The following MEPCE variants were observed in gnomAD, a reference collection of about 807,000 sequenced individuals.
The protein encoded by MEPCE is 7SK snRNA methylphosphate capping enzyme.
MEPCE carries 9 observed loss-of-function variants against 52.3 expected under a neutral mutation model. The ratio of observed to expected loss-of-function variants is 0.17; its 90% confidence interval spans 0.10 to 0.30. The LOEUF (loss-of-function observed/expected upper bound fraction) is 0.30. Among genes scored for constraint, MEPCE ranks in the 10% least tolerant of loss-of-function variants. The pLI, the probability that MEPCE is intolerant of heterozygous loss-of-function variation, is 1.00. For missense variants in MEPCE, 826 were observed against 933.0 expected (o/e 0.89, Z 1.49); for synonymous variants, 477 against 401.6 (o/e 1.19, Z -2.25).
At position 100,430,201 on chromosome 7, in the gene MEPCE, A is replaced by C; in HGVS notation, c.183A>C (p.Pro61=). The C allele has an allele frequency of 7.6e-7, 1 of 1,310,596 alleles. No homozygotes were observed. The highest frequency in any genetic ancestry group is 2.3e-5 in the South Asian group (1 of 43,782). The allele number at this position is 1,310,596 out of a possible 1,614,324, so 81.2% of individuals were successfully genotyped here. A position where few individuals can be genotyped will look rare whatever the true frequency, so the allele number is the denominator to read the frequency against. The change falls in exon 1 of 4, where the codon CCA becomes CCC. Residue 61 remains proline (P), a synonymous_variant. Transcript: ENST00000310512. The part of the protein sequence containing the change: ...PGRCAPSAGS[P]AAAVGRESPG... The stretch of plus-strand genomic sequence containing the variant: ...GTTGCGCGCCATCTGCGGGGTCCCC[A>C]GCCGCTGCGGTCGGTCGGGAAAGCC...
chr7:100,431,065 C>A lies in MEPCE; in HGVS notation c.1047C>A (p.Ala349=). 6.2e-7 allele frequency: 1 copy of A among 1,613,852 alleles called. No homozygotes were observed. The highest frequency in any genetic ancestry group is 1.3e-5 in the African/African-American group (1 of 75,060). Residue 349 remains alanine (A), a synonymous_variant, in exon 1 of 4, where the codon GCC becomes GCA. Coordinates refer to ENST00000310512, the MANE Select transcript of MEPCE (RefSeq NM_019606.6). ...PSGSLSAPPA[A]SVISAPPSSS... is the part of the protein sequence containing the mutation. Reference sequence around the variant, plus strand: ...GCTCCCTATCAGCCCCTCCAGCTGCCTCAGTTATCTCTGCACCCCCATCTT... The same window carrying A: ...GCTCCCTATCAGCCCCTCCAGCTGCATCAGTTATCTCTGCACCCCCATCTT...
In MEPCE at chr7:100,433,866, C is replaced by T. The variant is rs1798796247; in HGVS notation, c.*312C>T. ...GGGAGGTGGGAGGATATCAAATTCT[C>T]TAGCCCTTTCCTCCTATTCTCCCAA... On this transcript the variant is annotated 3_prime_UTR_variant, in exon 4 of 4. Transcript: ENST00000310512. 1 of 422,670 alleles carries T rather than the reference C, an allele frequency of 2.4e-6. No homozygotes were observed. Among genetic ancestry groups the T allele is most frequent in the Non-Finnish European group, 4.3e-6 (1 of 235,172 alleles). The allele number at this position is 422,670 out of a possible 1,614,324, so 26.2% of individuals were successfully genotyped here.
intron 1 of MEPCE, 89 bp from the exon 2 acceptor site, chr7:100,432,830 C>A: frequency 8.5e-7 from 1 of 1,180,714 alleles, no homozygotes; most frequent in Non-Finnish European, 1.3e-6. Flanking sequence ...AGTGAGGCCG[C>A]GGGACTGTAT....
chr7:100,430,296 A>G lies in MEPCE; in HGVS notation c.278A>G (p.Gln93Arg). ...CACCGAGGGGGCGGCCCCCAGGCGC[A>G]GTCGCATGGGGAGGCCCGCCTGTCG... The part of the protein sequence containing the change: ...QQHRGGGPQA[Q>R]SHGEARLSDP... Residue 93 changes from glutamine to arginine, a missense_variant, in exon 1 of 4, where the codon CAG (glutamine) becomes CGG (arginine). Transcript: ENST00000310512. The G allele has an allele frequency of 7.1e-7, 1 of 1,407,792 alleles. No homozygotes were observed. Among genetic ancestry groups the G allele is most frequent in the South Asian group, 1.6e-5 (1 of 63,090 alleles). The allele number at this position is 1,407,792 out of a possible 1,614,324, so 87.2% of individuals were successfully genotyped here.
rs1697710518 is a variant in MEPCE, at chr7:100,431,217, C to G, written c.1199C>G (p.Pro400Arg). 2 of 1,613,856 alleles carry G rather than the reference C, an allele frequency of 1.2e-6. No homozygotes were observed. The highest frequency in any genetic ancestry group is 1.7e-6 in the Non-Finnish European group (2 of 1,180,012). ...GGAGGCCGCCACCACCACCACCACC[C>G]ACTGCCTGCAGCAGGCTTCAAAAAG... ...SWGGRHHHHH[P>R]LPAAGFKKQQ... Residue 400 changes from proline (P) to arginine (R), a missense_variant, in exon 1 of 4, where the codon CCA (proline) becomes CGA (arginine). Pro to Arg is a moderately radical substitution (Grantham distance 103, BLOSUM62 -2). Coordinates refer to ENST00000310512, the MANE Select transcript of MEPCE (RefSeq NM_019606.6).
chr7:100,433,473 C>T, intron 3 of MEPCE, 29 bp from the exon 4 acceptor site: 2 of 1,614,054 alleles, frequency 1.2e-6, no homozygotes, highest in Non-Finnish European at 1.7e-6. Flanking sequence ...GTGCTGCCAA[C>T]CCCTTCTGAT....
Position 100,431,359 on chromosome 7 carries a change from C to T in MEPCE, c.1341C>T (p.Val447=), listed in dbSNP as rs1798695669. Residue 447 remains valine, a synonymous_variant, in exon 1 of 4, where the codon GTC becomes GTT. Coordinates refer to ENST00000310512, the MANE Select transcript of MEPCE (RefSeq NM_019606.6). The part of the protein sequence containing the change: ...LKPEWFRGRD[V]LDLGCNVGHL... The stretch of plus-strand genomic sequence containing the variant: ...CTGAGTGGTTTCGGGGCCGGGACGT[C>T]CTAGATCTGGGCTGCAATGTGGGCC... 2 of 1,614,164 alleles carry T rather than the reference C, an allele frequency of 1.2e-6. No homozygotes were observed. Among genetic ancestry groups the T allele is most frequent in the African/African-American group, 1.3e-5 (1 of 75,052 alleles).
Position 100,430,142 on chromosome 7 carries a change from G to C in MEPCE, c.124G>C (p.Glu42Gln). ...ACCGCACCAAGAGGCCGCCTCTGGG[G>C]AGCTCCGCGGCGGGACGGAGCGTGG... ...VPPHQEAASGELRGGTERGPG... is the reference protein window; with the variant it reads ...VPPHQEAASGQLRGGTERGPG... Residue 42 changes from glutamate (E) to glutamine (Q), a missense_variant, in exon 1 of 4, where the codon GAG (glutamate) becomes CAG (glutamine). Transcript: ENST00000310512. The C allele has an allele frequency of 7.7e-7, 1 of 1,291,084 alleles. No homozygotes were observed. 80.0% of individuals were successfully genotyped at this position (1,291,084 alleles called of 1,614,324 possible).
intron 1 of MEPCE, among the ~76,000 whole-genome samples, chr7:100,432,521 A>G (rs916625346): frequency 2.0e-5 from 3 of 152,226 alleles, no homozygotes; most frequent in African/African-American, 7.2e-5. Context: ...CCCCAACTGC[A>G]GGGAAGGAAC....
chr7:100,429,963 G>A lies in MEPCE; in HGVS notation c.-56G>A, dbSNP rs1031006419. The A allele has an allele frequency of 2.5e-6, 3 of 1,191,578 alleles. No homozygotes were observed. The highest frequency in any genetic ancestry group is 3.2e-6 in the Non-Finnish European group (3 of 947,444). The allele number at this position is 1,191,578 out of a possible 1,614,324, so 73.8% of individuals were successfully genotyped here. A position where few individuals can be genotyped will look rare whatever the true frequency, so the allele number is the denominator to read the frequency against. On this transcript the variant is annotated 5_prime_UTR_variant, in exon 1 of 4. Coordinates refer to ENST00000310512, the MANE Select transcript of MEPCE (RefSeq NM_019606.6). ...AAGGGAGCAGGGTCCAGGCAGGGGG[G>A]GTTAGGCCCCCTGATCCCCCTCGTT... is the stretch of plus-strand genomic sequence containing the variant.
chr7:100,429,447 A>C (rs141504759), upstream of MEPCE: 2 of 152,276 alleles, frequency 1.3e-5, no homozygotes, highest in African/African-American at 4.8e-5. Flanking sequence ...GCTGAGACTC[A>C]TTCCTCAGGA....
chr7:100,429,716 C>G (rs74460138), upstream of MEPCE: 53,082 of 308,550 alleles, frequency 0.17, 5,062 homozygotes, highest in Middle Eastern at 0.2. Context: ...GCGTGGTTCC[C>G]GGGCGAAGGG....
rs763723326 is a variant in MEPCE, at chr7:100,430,322, G to T, written c.304G>T (p.Asp102Tyr). The change falls in exon 1 of 4, where the codon GAT (aspartate) becomes TAT (tyrosine). Residue 102 changes from aspartate (D) to tyrosine (Y), a missense_variant. This residue lies in a region of MEPCE where 314 missense variants were observed against 277.7 expected (regional missense o/e 1.13). Transcript: ENST00000310512. ...AQSHGEARLS[D>Y]PPGRAAPPDV... ...GTCGCATGGGGAGGCCCGCCTGTCG[G>T]ATCCCCCGGGGCGAGCCGCTCCCCC... 4.2e-6 allele frequency: 6 copies of T among 1,419,680 alleles called. No individual in the cohort carries two copies. Among genetic ancestry groups the T allele is most frequent in the Non-Finnish European group, 4.6e-6 (5 of 1,090,372 alleles). 87.9% of individuals were successfully genotyped at this position (1,419,680 alleles called of 1,614,324 possible). A position where few individuals can be genotyped will look rare whatever the true frequency, so the allele number is the denominator to read the frequency against.
intron 3 of MEPCE, 39 bp from the exon 4 acceptor site, chr7:100,433,463 G>A: frequency 6.2e-7 from 1 of 1,614,046 alleles, no homozygotes; most frequent in Non-Finnish European, 8.5e-7. Flanking sequence ...GATTCTTGAG[G>A]TGCTGCCAAC....
In MEPCE at chr7:100,430,882, C is replaced by G. The variant is rs763090950; in HGVS notation, c.864C>G (p.Ala288=). Residue 288 remains alanine (A), a synonymous_variant, in exon 1 of 4, where the codon GCC becomes GCG. Transcript: ENST00000310512. Reference sequence around the variant, plus strand: ...AGAGTCACCCCGTGCCGCCCACAGCCCCTCTCACCCCCTTACTCCACGGGG... The same window carrying G: ...AGAGTCACCCCGTGCCGCCCACAGCGCCTCTCACCCCCTTACTCCACGGGG... The part of the protein sequence containing the change: ...GSESHPVPPT[A]PLTPLLHGEG... The G allele has an allele frequency of 1.2e-6, 2 of 1,608,762 alleles. No homozygotes were observed. Among genetic ancestry groups the G allele is most frequent in the Non-Finnish European group, 8.5e-7 (1 of 1,176,652 alleles).
chr7:100,433,593 G>T lies in MEPCE; in HGVS notation c.*39G>T, dbSNP rs747207748. 6.3e-7 allele frequency: 1 copy of T among 1,596,852 alleles called. No homozygotes were observed. Among genetic ancestry groups the T allele is most frequent in the Non-Finnish European group, 8.6e-7 (1 of 1,166,774 alleles). On this transcript the variant is annotated 3_prime_UTR_variant, in exon 4 of 4. Transcript: ENST00000310512. The stretch of plus-strand genomic sequence containing the variant: ...CAGAAAGTGTGAAGAGGCTGCCCTC[G>T]CTGCTCATAAGGACCTGGGGGAAGA...
rs200938923 is a variant in MEPCE at position 100,431,668 on chromosome 7, C to G, written c.1650C>G (p.Pro550=). Reference sequence around the variant, plus strand: ...ATGGAGCGGACACATCAGTCTTCCCCAACAATGTTGTCTTCGTCACGGTAA... The same window carrying G: ...ATGGAGCGGACACATCAGTCTTCCCGAACAATGTTGTCTTCGTCACGGTAA... ...PLDGADTSVF[P]NNVVFVTGNY... Residue 550 remains proline, a synonymous_variant, in exon 1 of 4, where the codon CCC becomes CCG. Coordinates refer to ENST00000310512, the MANE Select transcript of MEPCE (RefSeq NM_019606.6). 3.0e-4 allele frequency: 486 copies of G among 1,596,544 alleles called. No homozygotes were observed. Among genetic ancestry groups the G allele is most frequent in the Non-Finnish European group, 3.7e-4 (435 of 1,176,282 alleles).
chr7:100,430,285 C>T lies in MEPCE; in HGVS notation c.267C>T (p.Gly89=). 2 of 1,400,948 alleles carry T rather than the reference C, an allele frequency of 1.4e-6. No individual in the cohort carries two copies. Among genetic ancestry groups the T allele is most frequent in the South Asian group, 1.6e-5 (1 of 61,916 alleles). The allele number at this position is 1,400,948 out of a possible 1,614,324, so 86.8% of individuals were successfully genotyped here. A position where few individuals can be genotyped will look rare whatever the true frequency, so the allele number is the denominator to read the frequency against. The change falls in exon 1 of 4, where the codon GGC becomes GGT. Residue 89 remains glycine, a synonymous_variant. Transcript: ENST00000310512. The part of the protein sequence containing the change: ...GPQAQQHRGG[G]PQAQSHGEAR... ...AGGCGCAGCAGCACCGAGGGGGCGG[C>T]CCCCAGGCGCAGTCGCATGGGGAGG...
rs1414601378 is a variant in MEPCE at position 100,433,077 on chromosome 7, G to A, written c.1830G>A (p.Gly610=). The part of the protein sequence containing the change: ...FRRIYRHLRP[G]GILVLEPQPW... ...GGATCTACCGGCACCTACGCCCTGGGGGCATCCTGGTCCTAGAGCCCCAAC... is the reference window on the plus strand; with the variant it reads ...GGATCTACCGGCACCTACGCCCTGGAGGCATCCTGGTCCTAGAGCCCCAAC... The change falls in exon 2 of 4, where the codon GGG becomes GGA. Residue 610 remains glycine, a synonymous_variant. Coordinates refer to ENST00000310512, the MANE Select transcript of MEPCE (RefSeq NM_019606.6). The A allele has an allele frequency of 6.2e-7, 1 of 1,614,052 alleles. No individual in the cohort carries two copies. Among genetic ancestry groups the A allele is most frequent in the East Asian group, 2.2e-5 (1 of 44,884 alleles).
Sources: gnomAD v4.1 joint callset for allele counts (sites outside exome capture counted in the v4.1 genomes callset) on GRCh38, gnomAD v4.1.1 for gene constraint, gnomAD v4.1.1 regional missense constraint, MANE v1.5 for transcripts, NCBI Gene and HGNC (gene_info 2026-07-23, HGNC 2026-07-21) for gene names.